The following JAM3 variants were observed in gnomAD, a reference collection of about 807,000 sequenced individuals.
The protein encoded by JAM3 is junctional adhesion molecule 3.
In JAM3, 31 loss-of-function variants were observed where a neutral mutation model predicts 39.4. The observed-to-expected ratio is 0.79, with a 90% CI of 0.59 to 1.06. JAM3 has a LOEUF of 1.06. Ranked by LOEUF, JAM3 falls within the 50% of genes least tolerant of loss-of-function variation. The probability of loss-of-function intolerance (pLI) is 0.00; values close to 1 mark genes in which losing one functional copy is unlikely to be tolerated. For missense variants in JAM3, 455 were observed against 391.4 expected (o/e 1.16, Z -1.37); for synonymous variants, 182 against 148.7 (o/e 1.22, Z -1.63).
intron 1 of JAM3, among the ~76,000 whole-genome samples, chr11:134,076,690 C>T (rs1941576176): frequency 6.6e-6 from 1 of 152,018 alleles, no homozygotes; most frequent in African/African-American, 2.4e-5. Context: ...CACCACCACA[C>T]TGGGGGAAGT....
intron 1 of JAM3, among the ~76,000 whole-genome samples, chr11:134,079,254 T>G (rs1941624549): frequency 6.6e-6 from 1 of 152,184 alleles, no homozygotes; most frequent in Non-Finnish European, 1.5e-5. Context: ...ACATCTATCA[T>G]TAACTTAAAC....
At chr11:134,086,144 T>C (rs1411428909) in intron 1 of JAM3, among the ~76,000 whole-genome samples, 5 of 152,222 alleles carry the variant, frequency 3.3e-5, no homozygotes, top group Admixed American at 6.5e-5. Flanking sequence ...CCAAGTAAGA[T>C]TGTGTGTGTA....
At chr11:134,117,240 G>T (rs1942453034) in intron 1 of JAM3, among the ~76,000 whole-genome samples, 1 of 152,078 alleles carries the variant, frequency 6.6e-6, no homozygotes, top group Admixed American at 6.6e-5. Context: ...AACCGGGGAT[G>T]GTGGTGGGCA....
chr11:134,072,314 ATT>A (rs34630736), intron 1 of JAM3, among the ~76,000 whole-genome samples: 2 of 144,668 alleles, frequency 1.4e-5, no homozygotes, highest in Admixed American at 6.8e-5. Context: ...GTGAAGTTGG[ATT>A]TTTTTTTTTT....
At chr11:134,097,229 T>G (rs1176175741) in intron 1 of JAM3, among the ~76,000 whole-genome samples, 1 of 152,232 alleles carries the variant, frequency 6.6e-6, no homozygotes, top group Non-Finnish European at 1.5e-5. Context: ...CCTCAATAGT[T>G]TGAACTTTCC....
intron 1 of JAM3, chr11:134,123,862 G>A (rs568129768): frequency 1.3e-4 from 108 of 832,112 alleles, no homozygotes; most frequent in Non-Finnish European, 4.5e-5. Context: ...TCTCTGAAGC[G>A]TAATCACATC....
At chr11:134,131,463 G>C (rs774644576) in intron 1 of JAM3, among the ~76,000 whole-genome samples, 1 of 152,016 alleles carries the variant, frequency 6.6e-6, no homozygotes, top group African/African-American at 2.4e-5. Context: ...CTGATTTCCA[G>C]AGTTAACCGT....
chr11:134,149,008 T>C (rs1265140446), intron 8 of JAM3, 138 bp from the exon 9 acceptor site: 4 of 1,073,702 alleles, frequency 3.7e-6, no homozygotes, highest in Non-Finnish European at 5.7e-6. Flanking sequence ...ATGGGATTTG[T>C]GCTTTGCAAG....
intron 1 of JAM3, among the ~76,000 whole-genome samples, chr11:134,129,728 G>C (rs892693373): frequency 6.6e-6 from 1 of 152,186 alleles, no homozygotes; most frequent in African/African-American, 2.4e-5. Flanking sequence ...GAGGCCAGGC[G>C]TGATGGCTTA....
intron 6 of JAM3, 79 bp from the exon 7 acceptor site, chr11:134,148,468 G>A: frequency 1.3e-6 from 2 of 1,596,068 alleles, no homozygotes; most frequent in Non-Finnish European, 1.7e-6. Context: ...GGTGAAGGAA[G>A]GAGGCACAGC....
intron 6 of JAM3, 139 bp downstream of exon 6, chr11:134,146,184 A>G (rs1943067512): frequency 1.4e-6 from 1 of 709,808 alleles, no homozygotes; most frequent in East Asian, 2.7e-5. Context: ...GTCCACCAGA[A>G]CCCACTGCAC....
At chr11:134,100,341 C>G (rs1188876759) in intron 1 of JAM3, among the ~76,000 whole-genome samples, 2 of 152,244 alleles carry the variant, frequency 1.3e-5, no homozygotes, top group East Asian at 3.9e-4. Context: ...ACCCACAGAG[C>G]CTTTCTTGCT....
chr11:134,107,697 T>C (rs1161193231), intron 1 of JAM3, among the ~76,000 whole-genome samples: 3 of 151,920 alleles, frequency 2.0e-5, no homozygotes, highest in Non-Finnish European at 4.4e-5. Flanking sequence ...TCCCCATCTC[T>C]ACAAAAAATT....
intron 1 of JAM3, among the ~76,000 whole-genome samples, chr11:134,135,039 G>C (rs1367337601): frequency 6.6e-6 from 1 of 152,010 alleles, no homozygotes; most frequent in African/African-American, 2.4e-5. Context: ...TTTGTTGTCT[G>C]TGCTGTTGGT....
intron 1 of JAM3, among the ~76,000 whole-genome samples, chr11:134,110,608 C>T (rs1942289626): frequency 1.3e-5 from 2 of 152,168 alleles, no homozygotes; most frequent in Non-Finnish European, 1.5e-5. Context: ...GTGACAAAAT[C>T]GCTAAGTGGT....
intron 1 of JAM3, among the ~76,000 whole-genome samples, chr11:134,109,339 AAATT>A (rs1317792069): frequency 9.2e-5 from 14 of 152,236 alleles, no homozygotes; most frequent in African/African-American, 3.4e-4. Flanking sequence ...AACTTAAAAA[AAATT>A]AGGAAGAAGT....
intron 1 of JAM3, among the ~76,000 whole-genome samples, chr11:134,079,894 T>C (rs1941635654): frequency 6.6e-6 from 1 of 152,240 alleles, no homozygotes; most frequent in Admixed American, 6.5e-5. Context: ...AGGTGTGTTT[T>C]GTAGCCAGGT....
chr11:134,110,696 T>C (rs190505540), intron 1 of JAM3, among the ~76,000 whole-genome samples: 3 of 145,906 alleles, frequency 2.1e-5, no homozygotes, highest in Admixed American at 6.7e-5. Context: ...TAGGAAACTT[T>C]TGAGGGTGGT....
chr11:134,144,589 C>T (rs967875519), intron 4 of JAM3, among the ~76,000 whole-genome samples, 196 bp downstream of exon 4: 1 of 152,126 alleles, frequency 6.6e-6, no homozygotes. Context: ...CACTTCCTTC[C>T]ACCAGCTAGA....
Sources: gnomAD v4.1 joint callset for allele counts (sites outside exome capture counted in the v4.1 genomes callset) on GRCh38, gnomAD v4.1.1 for gene constraint, MANE v1.5 for transcripts, NCBI Gene and HGNC (gene_info 2026-07-23, HGNC 2026-07-21) for gene names.